The following ZNF723 variants were observed in gnomAD, a reference collection of about 807,000 sequenced individuals.
The protein encoded by ZNF723 is zinc finger protein 723, pseudogene.
In ZNF723, 5 loss-of-function variants were observed where a neutral mutation model predicts 9.4. The observed-to-expected ratio is 0.53, with a 90% CI of 0.28 to 1.12. ZNF723 has a LOEUF of 1.12. ZNF723 is among the 50% of genes most tolerant of loss of function. The probability of loss-of-function intolerance (pLI) is 0.10; values close to 1 mark genes in which losing one functional copy is unlikely to be tolerated. For synonymous variants in ZNF723, 158 were observed against 168.8 expected, an observed-to-expected ratio of 0.94 and a Z score of 0.49; for missense variants, 450 against 501.5, an observed-to-expected ratio of 0.90 and a Z score of 0.98.
At chr19:22,832,502 C>A in intron 1 of ZNF723, 120 bp downstream of exon 1, 3 of 1,114,358 alleles carry the variant, frequency 2.7e-6, no homozygotes, top group Non-Finnish European at 3.9e-6. Context: ...GCTCGGAGTT[C>A]TAGCCTGGCC....
chr19:22,849,699 A>G (rs776180969), intron 3 of ZNF723, among the ~76,000 whole-genome samples: 1 of 152,204 alleles, frequency 6.6e-6, no homozygotes, highest in Non-Finnish European at 1.5e-5. Flanking sequence ...ACCTGAGGTC[A>G]GGAGTTCGAG....
In ZNF723 at chr19:22,849,224, A is replaced by C. The variant is rs1046128029; in HGVS notation, c.157A>C (p.Ile53Leu). ...TGTTGGTGTCTCTAAGCCAGATTTAATCACCTGTCTGGAGCAAGGAAAAGA... is the reference window on the plus strand; with the variant it reads ...TGTTGGTGTCTCTAAGCCAGATTTACTCACCTGTCTGGAGCAAGGAAAAGA... ...LGVGVSKPDL[I>L]TCLEQGKEPW... Residue 53 changes from isoleucine to leucine, a missense_variant, in exon 3 of 4, where the codon ATC (isoleucine) becomes CTC (leucine). Transcript: ENST00000600766. The C allele has an allele frequency of 1.7e-5, 11 of 643,824 alleles. No homozygotes were observed. Among genetic ancestry groups the C allele is most frequent in the Non-Finnish European group, 3.1e-5 (11 of 354,478 alleles). 39.9% of individuals were successfully genotyped at this position (643,824 alleles called of 1,614,324 possible). A position where few individuals can be genotyped will look rare whatever the true frequency, so the allele number is the denominator to read the frequency against.
chr19:22,829,641 T>C (rs1568401284), upstream of ZNF723, among the ~76,000 whole-genome samples: 2 of 152,206 alleles, frequency 1.3e-5, no homozygotes, highest in Non-Finnish European at 2.9e-5. Context: ...TTTTGATATA[T>C]CTCTCAAAAT....
Position 22,857,952 on chromosome 19 carries a change from C to T in ZNF723, c.1061C>T (p.Ser354Leu). 1 of 1,507,820 alleles carries T rather than the reference C, an allele frequency of 6.6e-7. No homozygotes were observed. Among genetic ancestry groups the T allele is most frequent in the Non-Finnish European group, 9.2e-7 (1 of 1,084,332 alleles). 93.4% of individuals were successfully genotyped at this position (1,507,820 alleles called of 1,614,324 possible). A position where few individuals can be genotyped will look rare whatever the true frequency, so the allele number is the denominator to read the frequency against. The change falls in exon 4 of 4, where the codon TCA becomes TTA. Residue 354 changes from serine to leucine, a missense_variant. Ser to Leu is a moderately radical substitution (Grantham distance 145). Around this residue, in one of 5 missense-constraint regions of ZNF723, gnomAD observed 237 missense variants for 332.2 expected, o/e 0.71. Coordinates refer to ENST00000600766, the MANE Select transcript of ZNF723 (RefSeq NM_001349726.2). ...EECGKAFSQS[S>L]HITTHKRIHT... ...TGTGGCAAAGCATTCAGCCAGTCCT[C>T]ACACATTACTACACATAAGAGAATT...
chr19:22,827,694 C>T (rs1967052402), upstream of ZNF723, among the ~76,000 whole-genome samples: 1 of 152,076 alleles, frequency 6.6e-6, no homozygotes, highest in Non-Finnish European at 1.5e-5. Flanking sequence ...GGTAATCTGC[C>T]TGCCTCGGCC....
At chr19:22,821,602 TG>T in the ZNF723 span, among the ~76,000 whole-genome samples, 6 of 152,334 alleles carry the variant, frequency 3.9e-5, no homozygotes, top group South Asian at 1.2e-3. Context: ...GACGTATTTT[TG>T]GTCCAGCATT....
At chr19:22,828,587 A>G (rs1027793763), upstream of ZNF723, among the ~76,000 whole-genome samples, 5 of 152,158 alleles carry the variant, frequency 3.3e-5, no homozygotes, top group African/African-American at 1.2e-4. Flanking sequence ...CAGGAGGCAG[A>G]GGTTGCTGTG....
the ZNF723 span, among the ~76,000 whole-genome samples, chr19:22,812,890 C>T: frequency 3.3e-3 from 495 of 152,280 alleles, 1 homozygote; most frequent in African/African-American, 0.011. Context: ...CCCTCGTAAA[C>T]GAATCAAGTG....
At chr19:22,844,786 C>T (rs1967287027) in intron 1 of ZNF723, among the ~76,000 whole-genome samples, 1 of 152,082 alleles carries the variant, frequency 6.6e-6, no homozygotes, top group South Asian at 2.1e-4. Flanking sequence ...TAATAATGAG[C>T]CCAGGGGGAG....
At chr19:22,848,441 G>A (rs1967345050) in intron 2 of ZNF723, 54 bp downstream of exon 2, 1 of 1,231,556 alleles carries the variant, frequency 8.1e-7, no homozygotes, top group Non-Finnish European at 1.1e-6. Context: ...TTCTTTTTTT[G>A]GTGTTGTAGA....
chr19:22,828,736 C>T (rs1290507398), upstream of ZNF723, among the ~76,000 whole-genome samples: 2 of 152,062 alleles, frequency 1.3e-5, no homozygotes, highest in African/African-American at 4.8e-5. Flanking sequence ...CAAACCAAAC[C>T]AAAATGAGTC....
At position 22,857,945 on chromosome 19, in the gene ZNF723, C is replaced by T; in HGVS notation, c.1054C>T (p.Gln352Ter). Residue 352 changes from glutamine to a stop codon, truncating the protein, a stop_gained, in exon 4 of 4, where the codon CAG becomes TAG. Transcript: ENST00000600766. LOFTEE classifies it low-confidence loss of function (END_TRUNC). ...TGAAGAATGTGGCAAAGCATTCAGC[C>T]AGTCCTCACACATTACTACACATAA... Reference protein sequence around the residue: ...KCEECGKAFSQSSHITTHKRI... With the variant: ...KCEECGKAFS 1.3e-6 allele frequency: 2 copies of T among 1,482,370 alleles called. No individual in the cohort carries two copies. Among genetic ancestry groups the T allele is most frequent in the Non-Finnish European group, 1.9e-6 (2 of 1,063,012 alleles). 91.8% of individuals were successfully genotyped at this position (1,482,370 alleles called of 1,614,324 possible). A position where few individuals can be genotyped will look rare whatever the true frequency, so the allele number is the denominator to read the frequency against.
intron 1 of ZNF723, among the ~76,000 whole-genome samples, chr19:22,841,891 A>AG (rs1226747071): frequency 6.6e-6 from 1 of 152,218 alleles, no homozygotes; most frequent in African/African-American, 2.4e-5. Flanking sequence ...CCAAAAAAAA[A>AG]GAAAAAAACA....
In ZNF723 at chr19:22,849,204, G is replaced by T; in HGVS notation, c.137G>T (p.Gly46Val). Reference sequence around the variant, plus strand: ...TTTATTTTTAATAAAACAGGTGTTGGTGTCTCTAAGCCAGATTTAATCACC... The same window carrying T: ...TTTATTTTTAATAAAACAGGTGTTGTTGTCTCTAAGCCAGATTTAATCACC... ...NYRNLVFLGV[G>V]VSKPDLITCL... The change falls in exon 3 of 4, where the codon GGT (glycine) becomes GTT (valine). Residue 46 changes from glycine to valine, a missense_variant. By Grantham distance (109) the Gly-to-Val change is moderately radical. Transcript: ENST00000600766. 1.8e-6 allele frequency: 1 copy of T among 553,690 alleles called. No homozygotes were observed. Among genetic ancestry groups the T allele is most frequent in the South Asian group, 3.2e-5 (1 of 31,130 alleles). 34.3% of individuals were successfully genotyped at this position (553,690 alleles called of 1,614,324 possible).
At chr19:22,843,964 A>G (rs577613162) in intron 1 of ZNF723, among the ~76,000 whole-genome samples, 3 of 152,268 alleles carry the variant, frequency 2.0e-5, no homozygotes, top group African/African-American at 7.2e-5. Context: ...AGAGAACAGA[A>G]TTCTACATAA....
chr19:22,820,940 C>A, the ZNF723 span, among the ~76,000 whole-genome samples: 13 of 152,164 alleles, frequency 8.5e-5, no homozygotes, highest in Non-Finnish European at 1.5e-4. Context: ...GGCTGTGAAT[C>A]TCCCACGTGG....
At chr19:22,826,908 C>T in the ZNF723 span, among the ~76,000 whole-genome samples, 3 of 152,222 alleles carry the variant, frequency 2.0e-5, no homozygotes, top group Admixed American at 6.5e-5. Context: ...TTTAAAGAAA[C>T]ATTTGTTGCC....
the ZNF723 span, among the ~76,000 whole-genome samples, chr19:22,819,311 T>A: frequency 6.6e-6 from 1 of 152,234 alleles, no homozygotes; most frequent in Non-Finnish European, 1.5e-5. Flanking sequence ...GATTGTGATA[T>A]ATCTCCATGA....
At chr19:22,848,432 T>C (rs1967344933) in intron 2 of ZNF723, 45 bp downstream of exon 2, 2 of 1,262,076 alleles carry the variant, frequency 1.6e-6, no homozygotes, top group Non-Finnish European at 2.2e-6. Context: ...TGTAAATGTT[T>C]CTTTTTTTGG....
Sources: allele counts gnomAD v4.1 joint callset (sites outside exome capture counted in the v4.1 genomes callset), GRCh38; gene constraint gnomAD v4.1.1; regional missense constraint gnomAD v4.1.1; transcripts MANE v1.5; gene names NCBI Gene and HGNC (gene_info 2026-07-23, HGNC 2026-07-21).